Variants in SH2D3C observed in about 807,000 individuals in gnomAD.
SH2D3C encodes SH2 domain-containing protein 3C.
A neutral mutation model predicts 75.2 loss-of-function variants in SH2D3C; 25 were observed. The ratio of observed to expected loss-of-function variants is 0.33; its 90% CI spans 0.24 to 0.46. The LOEUF (loss-of-function observed/expected upper bound fraction) is 0.46, where lower values mean the gene tolerates loss of function less well. Among genes scored for constraint, SH2D3C ranks in the 20% least tolerant of loss-of-function variants. The probability of loss-of-function intolerance (pLI) is 1.00; values close to 1 mark genes in which losing one functional copy is unlikely to be tolerated. For missense variants in SH2D3C, 933 were observed against 1,165.3 expected (o/e 0.80, Z 2.90); for synonymous variants, 450 against 473.7 (o/e 0.95, Z 0.65).
At chr9:127,753,081 G>T (rs1845246685) in intron 3 of SH2D3C, among the ~76,000 whole-genome samples, 1 of 152,114 alleles carries the variant, frequency 6.6e-6, no homozygotes, top group Non-Finnish European at 1.5e-5. Context: ...AAGCTTCCAA[G>T]GGGCTGTGGG....
At chr9:127,761,833 G>A (rs965328209) in intron 2 of SH2D3C, among the ~76,000 whole-genome samples, 183 bp from the exon 3 acceptor site, 25 of 152,146 alleles carry the variant, frequency 1.6e-4, no homozygotes, top group Non-Finnish European at 3.7e-4. Flanking sequence ...GCACCCCTAG[G>A]CAAGTCCCTT....
In SH2D3C at chr9:127,739,499, GACTCCATC is replaced by G. The variant is rs1844784136; in HGVS notation, c.2407+175_2407+182del. On this transcript the variant is annotated intron_variant, in intron 11 of 11. Coordinates refer to ENST00000314830, the MANE Select transcript of SH2D3C (RefSeq NM_170600.3). The surrounding 1 kb of genome is among the most constrained non-coding windows in gnomAD (Gnocchi z 4.3). The stretch of plus-strand genomic sequence containing the variant: ...CACTCCAGCCTGGGCGACAGTGTGA[GACTCCATC>G]TCAAAAAAAAAAGAAAAAAGAAAAG... 6.6e-6 allele frequency among the ~76,000 whole-genome samples: 1 copy of G among 151,750 alleles called. No individual in the cohort carries two copies. The highest frequency in any genetic ancestry group is 1.5e-5 in the Non-Finnish European group (1 of 67,938).
At chr9:127,746,893 C>T (rs1338423250) in intron 6 of SH2D3C, among the ~76,000 whole-genome samples, 1 of 152,128 alleles carries the variant, frequency 6.6e-6, no homozygotes, top group Non-Finnish European at 1.5e-5. Flanking sequence ...AGCCAAGATC[C>T]CACCACTGCA....
Position 127,774,108 on chromosome 9 carries a change from C to G in SH2D3C, c.397G>C (p.Asp133His). 1 of 1,614,096 alleles carries G rather than the reference C, an allele frequency of 6.2e-7. No individual in the cohort carries two copies. The highest frequency in any genetic ancestry group is 1.3e-5 in the African/African-American group (1 of 75,014). The change falls in exon 2 of 12, where the codon GAC (aspartate) becomes CAC (histidine). Residue 133 changes from aspartate to histidine, a missense_variant. Asp to His is a moderately conservative substitution (Grantham distance 81, BLOSUM62 -1). Coordinates refer to ENST00000314830, the MANE Select transcript of SH2D3C (RefSeq NM_170600.3). The surrounding 1 kb of genome is among the most constrained non-coding windows in gnomAD (Gnocchi z 4.3). ...GGGTTGGGTTCCATTGCTGGGGTGT[C>G]CTCTAGAGGGCCAGTGGCCTTCACC... Reference protein sequence around the residue: ...VMVKATGPLEDTPAMEPNPSA... With the variant: ...VMVKATGPLEHTPAMEPNPSA...
intron 2 of SH2D3C, among the ~76,000 whole-genome samples, chr9:127,773,257 C>A (rs924411185): frequency 1.3e-5 from 2 of 152,130 alleles, no homozygotes; most frequent in Non-Finnish European, 2.9e-5. Flanking sequence ...ATTAAGCTGA[C>A]AAATGGTTTT....
chr9:127,756,791 G>A (rs988285149), intron 3 of SH2D3C, among the ~76,000 whole-genome samples: 3 of 151,910 alleles, frequency 2.0e-5, no homozygotes, highest in South Asian at 2.1e-4. Flanking sequence ...GACTACAGGC[G>A]CCTGCCACCA....
intron 6 of SH2D3C, 120 bp from the exon 7 acceptor site, chr9:127,745,219 C>T: frequency 1.3e-6 from 1 of 749,124 alleles, no homozygotes; most frequent in Non-Finnish European, 1.9e-6. Flanking sequence ...AGGTGATGTC[C>T]CCACCTCCCT....
intron 2 of SH2D3C, chr9:127,771,438 C>G: frequency 8.3e-7 from 1 of 1,207,278 alleles, no homozygotes; most frequent in Non-Finnish European, 1.1e-6. Flanking sequence ...CTCTCCGCCT[C>G]GAACACGGCC....
At chr9:127,743,389 G>T (rs941062550) in intron 7 of SH2D3C, among the ~76,000 whole-genome samples, 15 of 152,320 alleles carry the variant, frequency 9.8e-5, no homozygotes, top group African/African-American at 3.1e-4. Flanking sequence ...TGTAGTCCCA[G>T]CTACTCGGGA....
chr9:127,745,045 G>C lies in SH2D3C; in HGVS notation c.1319C>G (p.Ser440Cys), dbSNP rs1334210726. The change falls in exon 7 of 12, where the codon TCC becomes TGC. Residue 440 changes from serine (S) to cysteine (C), a missense_variant. Coordinates refer to ENST00000314830, the MANE Select transcript of SH2D3C (RefSeq NM_170600.3). ...CTCACTGGAACGGCGGGCGACAGGG[G>C]AGGCAGGCAATGCTGTGGCAGAAGG... is the stretch of plus-strand genomic sequence containing the variant. ...AAPSATALPA[S>C]PVARRSSEPQ... is the part of the protein sequence containing the mutation. The C allele has an allele frequency of 1.3e-6, 2 of 1,512,104 alleles. No individual in the cohort carries two copies. The highest frequency in any genetic ancestry group is 2.3e-5 in the East Asian group (1 of 43,872). The allele number at this position is 1,512,104 out of a possible 1,614,324, so 93.7% of individuals were successfully genotyped here.
Position 127,749,598 on chromosome 9 carries a change from T to A in SH2D3C, c.752A>T (p.Asp251Val). The A allele has an allele frequency of 6.2e-7, 1 of 1,600,838 alleles. No homozygotes were observed. The highest frequency in any genetic ancestry group is 8.5e-7 in the Non-Finnish European group (1 of 1,174,036). Residue 251 changes from aspartate (D) to valine (V), a missense_variant, in exon 5 of 12, where the codon GAC (aspartate) becomes GTC (valine). Coordinates refer to ENST00000314830, the MANE Select transcript of SH2D3C (RefSeq NM_170600.3). The surrounding 1 kb of genome is among the most constrained non-coding windows in gnomAD (Gnocchi z 5.9). ...LIRDSLTSLG[D>V]YVLTCRWRNQ... Reference sequence around the variant, plus strand: ...GCGCCAGCGGCACGTGAGCACATAGTCGCCCAGGCTGGTGAGTGAGTCCCG... The same window carrying A: ...GCGCCAGCGGCACGTGAGCACATAGACGCCCAGGCTGGTGAGTGAGTCCCG...
At position 127,757,641 on chromosome 9, in the gene SH2D3C, TGATG is replaced by T. The variant is rs1429606882; in HGVS notation, c.555+3966_555+3969del. Among the ~76,000 whole-genome samples, 869 of 138,370 alleles carry T rather than the reference TGATG, an allele frequency of 6.3e-3. 6 individuals are homozygous for T. The highest frequency in any genetic ancestry group is 0.017 in the African/African-American group (636 of 36,520). 90.8% of individuals were successfully genotyped at this position (138,370 alleles called of 152,430 possible). A position where few individuals can be genotyped will look rare whatever the true frequency, so the allele number is the denominator to read the frequency against. On this transcript the variant is annotated intron_variant, in intron 3 of 11. Coordinates refer to ENST00000314830, the MANE Select transcript of SH2D3C (RefSeq NM_170600.3). ...ATGATGATGATGATGATGATGATGA[TGATG>T]ATTATTATTATTATTATTATTATTT... is the stretch of plus-strand genomic sequence containing the variant.
chr9:127,774,691 G>A lies in SH2D3C; in HGVS notation c.38-224C>T, dbSNP rs759026608. Among the ~76,000 whole-genome samples the A allele has an allele frequency of 2.0e-5, 3 of 152,114 alleles. No individual in the cohort carries two copies. The highest frequency in any genetic ancestry group is 4.8e-5 in the African/African-American group (2 of 41,420). ...ATTCCTGCTCTTTCACATCCTAGCT[G>A]TGTGACCTTAGGCAAGTCACTTGAC... is the stretch of plus-strand genomic sequence containing the variant. On this transcript the variant is annotated intron_variant, in intron 1 of 11. Transcript: ENST00000314830. The surrounding 1 kb of genome is among the most constrained non-coding windows in gnomAD (Gnocchi z 4.3).
rs182541167 is a variant in SH2D3C, at chr9:127,751,588, C to G, written c.556-288G>C. Among the ~76,000 whole-genome samples the G allele has an allele frequency of 1.2e-3, 187 of 152,340 alleles. 2 individuals are homozygous for G. The highest frequency in any genetic ancestry group is 1.5e-3 in the Non-Finnish European group (104 of 68,044). ...AGGCAGTGCCTAGTCTGAGGAGAGG[C>G]AAAAGCAACAGGAGCCTCTGAGTAG... On this transcript the variant is annotated intron_variant, in intron 3 of 11. Transcript: ENST00000314830. The surrounding 1 kb of genome is among the most constrained non-coding windows in gnomAD (Gnocchi z 4.1).
intron 2 of SH2D3C, among the ~76,000 whole-genome samples, chr9:127,762,707 T>C (rs778133435): frequency 1.3e-5 from 2 of 152,198 alleles, no homozygotes; most frequent in Non-Finnish European, 2.9e-5. Context: ...CCGTGTCCAC[T>C]GCCACCCACA....
chr9:127,754,789 C>G lies in SH2D3C; in HGVS notation c.556-3489G>C, dbSNP rs554275388. On this transcript the variant is annotated intron_variant, in intron 3 of 11. Coordinates refer to ENST00000314830, the MANE Select transcript of SH2D3C (RefSeq NM_170600.3). This position sits in a 1 kb window ranked among gnomAD's most constrained non-coding sequence, Gnocchi z 4.4. ...ACGCCGGAGACCCCATCTCCCAGTCCCCCCTGCCCCAGCTCTCTCCCTCCT... is the reference window on the plus strand; with the variant it reads ...ACGCCGGAGACCCCATCTCCCAGTCGCCCCTGCCCCAGCTCTCTCCCTCCT... The G allele has an allele frequency of 2.1e-6, 1 of 478,760 alleles. No homozygotes were observed. The allele number at this position is 478,760 out of a possible 1,614,324, so 29.7% of individuals were successfully genotyped here.
At chr9:127,756,807 G>A (rs1273164225) in intron 3 of SH2D3C, among the ~76,000 whole-genome samples, 2 of 151,426 alleles carry the variant, frequency 1.3e-5, no homozygotes, top group East Asian at 2.0e-4. Context: ...CACCATGCCC[G>A]CTAATTTTTT....
At chr9:127,765,801 T>C (rs1014077440) in intron 2 of SH2D3C, among the ~76,000 whole-genome samples, 12 of 152,200 alleles carry the variant, frequency 7.9e-5, no homozygotes, top group African/African-American at 2.9e-4. Flanking sequence ...AATTAATTTA[T>C]TTATTCCTCA....
chr9:127,777,876 C>T lies in SH2D3C; in HGVS notation c.37+715G>A, dbSNP rs758608550. 2.0e-5 allele frequency among the ~76,000 whole-genome samples: 3 copies of T among 151,118 alleles called. No homozygotes were observed. The East Asian group carries it at 5.8e-4, about 29-fold the overall frequency. ...TGGACAAAGAGAAACAGAAACAAGGCGGGAAACAGGAGGATCGCTTGAGCC... is the reference window on the plus strand; with the variant it reads ...TGGACAAAGAGAAACAGAAACAAGGTGGGAAACAGGAGGATCGCTTGAGCC... On this transcript the variant is annotated intron_variant, in intron 1 of 11. Transcript: ENST00000314830.
Sources: allele counts gnomAD v4.1 joint callset (sites outside exome capture counted in the v4.1 genomes callset), GRCh38; gene constraint gnomAD v4.1.1; non-coding constraint Gnocchi (gnomAD v3.1); transcripts MANE v1.5; gene names NCBI Gene and HGNC (gene_info 2026-07-23, HGNC 2026-07-21).